The following POLA1 variants were observed in gnomAD, a reference collection of about 807,000 sequenced individuals.
The protein encoded by POLA1 is DNA polymerase alpha catalytic subunit.
In POLA1, 15 loss-of-function variants were observed where a neutral mutation model predicts 124.0. That is an observed-to-expected ratio of 0.12 (90% CI 0.08 to 0.19). The LOEUF is 0.19. POLA1 is among the 10% of genes least tolerant of loss of function. The pLI is 1.00. For synonymous variants in POLA1, 408 were observed against 389.4 expected (o/e 1.05, Z -0.56); for missense variants, 886 against 1,103.4 (o/e 0.80, Z 2.79).
intron 36 of POLA1, among the ~76,000 whole-genome samples, chrX:24,985,705 T>C (rs2048473002): frequency 8.9e-6 from 1 of 112,406 alleles, no homozygotes; most frequent in Non-Finnish European, 1.9e-5. Context: ...CATTGGAGCA[T>C]TTCAGAGTTC....
chrX:24,841,893 C>G, intron 33 of POLA1, 63 bp downstream of exon 33: 2 of 808,982 alleles, frequency 2.5e-6, no homozygotes, highest in South Asian at 2.5e-5. Context: ...CCCCTTCCCC[C>G]ACTATGGGGT....
intron 32 of POLA1, among the ~76,000 whole-genome samples, chrX:24,828,314 A>G (rs2046207128): frequency 8.9e-6 from 1 of 112,451 alleles, no homozygotes; most frequent in African/African-American, 3.2e-5. Flanking sequence ...GATTAACTCC[A>G]TTTTACAGAG....
chrX:24,882,664 C>T (rs755775693), intron 34 of POLA1, among the ~76,000 whole-genome samples: 2 of 103,806 alleles, frequency 1.9e-5, no homozygotes, highest in Non-Finnish European at 3.9e-5. Flanking sequence ...TTTTTTATGG[C>T]TGCATACTAT....
chrX:24,748,819 T>C, intron 25 of POLA1, 51 bp from the exon 26 acceptor site: 1 of 1,178,536 alleles, frequency 8.5e-7, no homozygotes, highest in Non-Finnish European at 1.2e-6. Flanking sequence ...AATGTAATGC[T>C]TAACCATCTG....
intron 3 of POLA1, 23 bp downstream of exon 3, chrX:24,703,370 CG>C: frequency 1.1e-6 from 1 of 872,031 alleles, no homozygotes; most frequent in Non-Finnish European, 1.7e-6. Flanking sequence ...GAGGTGGGGG[CG>C]GGGATGTTGC....
At chrX:24,910,407 T>C (rs2047432062) in intron 35 of POLA1, among the ~76,000 whole-genome samples, 1 of 110,670 alleles carries the variant, frequency 9.0e-6, no homozygotes, top group South Asian at 3.9e-4. Flanking sequence ...TATTTTGAGA[T>C]ATGTCCCATC....
intron 36 of POLA1, among the ~76,000 whole-genome samples, chrX:24,952,393 C>T (rs192777850): frequency 2.7e-5 from 3 of 112,195 alleles, no homozygotes; most frequent in African/African-American, 9.7e-5. Flanking sequence ...GTATGTACCT[C>T]CATGATGCAA....
intron 34 of POLA1, among the ~76,000 whole-genome samples, chrX:24,852,609 T>C (rs1030930461): frequency 8.9e-6 from 1 of 112,263 alleles, no homozygotes; most frequent in Non-Finnish European, 1.9e-5. Flanking sequence ...CATGCCTGGC[T>C]GACCTCAGCT....
chrX:24,732,899 T>C (rs958750618), intron 16 of POLA1, among the ~76,000 whole-genome samples: 17 of 111,218 alleles, frequency 1.5e-4, no homozygotes, highest in African/African-American at 5.6e-4. Flanking sequence ...AGAATTGGAG[T>C]TGGGTTGTGC....
At chrX:24,855,147 A>G (rs1315660779) in intron 34 of POLA1, among the ~76,000 whole-genome samples, 1 of 111,811 alleles carries the variant, frequency 8.9e-6, no homozygotes, top group Non-Finnish European at 1.9e-5. Context: ...AAATACAAGA[A>G]TGTTAATAGT....
chrX:24,780,078 G>C (rs1179098813), intron 26 of POLA1, among the ~76,000 whole-genome samples: 1 of 111,789 alleles, frequency 8.9e-6, no homozygotes, highest in East Asian at 2.8e-4. Flanking sequence ...TTAATGTGCT[G>C]TTGAATTTGG....
At chrX:24,920,919 T>C (rs1161482061) in intron 35 of POLA1, among the ~76,000 whole-genome samples, 1 of 112,433 alleles carries the variant, frequency 8.9e-6, no homozygotes, top group Non-Finnish European at 1.9e-5. Flanking sequence ...CAGCATTTCA[T>C]GCCAAGAAGT....
intron 26 of POLA1, among the ~76,000 whole-genome samples, chrX:24,755,322 C>G (rs1360123240): frequency 1.8e-5 from 2 of 112,195 alleles, no homozygotes; most frequent in Non-Finnish European, 1.9e-5. Flanking sequence ...TATATATATA[C>G]TTAGACTTGT....
chrX:24,888,428 G>A (rs768825514), intron 35 of POLA1, among the ~76,000 whole-genome samples: 1 of 110,227 alleles, frequency 9.1e-6, no homozygotes, highest in Non-Finnish European at 1.9e-5. Context: ...AACTGCTATC[G>A]TCTTTGGGCT....
chrX:24,814,831 A>T (rs748447941), intron 29 of POLA1, 148 bp from the exon 30 acceptor site: 14 of 497,210 alleles, frequency 2.8e-5, no homozygotes, highest in Non-Finnish European at 3.5e-5. Context: ...CGCCTTTTCG[A>T]CATTAACCCT....
chrX:24,778,299 C>T (rs906821579), intron 26 of POLA1, among the ~76,000 whole-genome samples: 6 of 111,147 alleles, frequency 5.4e-5, no homozygotes, highest in African/African-American at 2.0e-4. Context: ...GGCACGATCT[C>T]GGCTCACTGC....
chrX:24,917,113 G>A (rs183001038), intron 35 of POLA1, among the ~76,000 whole-genome samples: 2 of 111,167 alleles, frequency 1.8e-5, no homozygotes, highest in African/African-American at 3.3e-5. Context: ...CCAACATGGT[G>A]AAACCCCGTC....
Position 24,717,840 on chromosome X carries a change from G to A in POLA1, c.1087+82G>A, listed in dbSNP as rs186619202. 72 of 639,134 alleles carry A rather than the reference G, an allele frequency of 1.1e-4. No homozygotes were observed. In the Middle Eastern group the frequency reaches 2.9e-3, roughly 26 times the overall value. 52.7% of individuals were successfully genotyped at this position (639,134 alleles called of 1,213,427 possible). On this transcript the variant is annotated intron_variant, in intron 10 of 36. Coordinates refer to ENST00000379068, the MANE Select transcript of POLA1 (RefSeq NM_001330360.2). Reference sequence around the variant, plus strand: ...AATATTTTATTTTTTGTTTCTTTTTGTGTGTTTTGTCTTTTTATTTAATCA... The same window carrying A: ...AATATTTTATTTTTTGTTTCTTTTTATGTGTTTTGTCTTTTTATTTAATCA...
intron 36 of POLA1, among the ~76,000 whole-genome samples, chrX:24,939,482 A>G (rs1476890320): frequency 2.7e-5 from 3 of 112,062 alleles, no homozygotes; most frequent in South Asian, 3.7e-4. Context: ...CGTAATTACT[A>G]TCATAATTAT....
Sources: gnomAD v4.1 joint callset for allele counts (sites outside exome capture counted in the v4.1 genomes callset) on GRCh38, gnomAD v4.1.1 for gene constraint, MANE v1.5 for transcripts, NCBI Gene and HGNC (gene_info 2026-07-23, HGNC 2026-07-21) for gene names.